Variants in PCDHGA4 observed in about 807,000 individuals in gnomAD.
PCDHGA4 encodes protocadherin gamma subfamily A, 4.
Under a neutral mutation model 54.6 loss-of-function variants are expected in PCDHGA4, and 38 were observed. The observed-to-expected ratio is 0.70, with a 90% CI of 0.54 to 0.91. The LOEUF is 0.91. Among genes scored for constraint, PCDHGA4 ranks in the 40% least tolerant of loss-of-function variants. The pLI is 0.00. For synonymous variants in PCDHGA4, 511 were observed against 512.9 expected (o/e 1.00, Z 0.05); for missense variants, 1,298 against 1,220.9 (o/e 1.06, Z -0.94).
chr5:141,374,223 A>G (rs761001587), intron 1 of PCDHGA4: 2 of 1,614,020 alleles, frequency 1.2e-6, no homozygotes, highest in South Asian at 2.2e-5. Flanking sequence ...TTCGTAGGCA[A>G]CATCGTCAAG....
In PCDHGA4 at chr5:141,486,675, A is replaced by T; in HGVS notation, c.2515-8132A>T. On this transcript the variant is annotated intron_variant, in intron 1 of 3. Coordinates refer to ENST00000571252, the MANE Select transcript of PCDHGA4 (RefSeq NM_018917.4). The surrounding 1 kb of genome is among the most constrained non-coding windows in gnomAD (Gnocchi z 5.0). ...TCACTCCTGGAGCCCAGGAATCGAGATGTATCAGCTTCCTCTTTCATCTCT... is the reference window on the plus strand; with the variant it reads ...TCACTCCTGGAGCCCAGGAATCGAGTTGTATCAGCTTCCTCTTTCATCTCT... The T allele has an allele frequency of 6.2e-7, 1 of 1,614,056 alleles. No individual in the cohort carries two copies. The highest frequency in any genetic ancestry group is 8.5e-7 in the Non-Finnish European group (1 of 1,180,016).
intron 1 of PCDHGA4, among the ~76,000 whole-genome samples, chr5:141,406,372 T>C (rs1010742441): frequency 1.3e-5 from 2 of 152,204 alleles, no homozygotes; most frequent in African/African-American, 4.8e-5. Flanking sequence ...AAGGGTAAAC[T>C]GATAAAAAGG....
chr5:141,394,616 C>A, intron 1 of PCDHGA4: 1 of 1,613,490 alleles, frequency 6.2e-7, no homozygotes, highest in African/African-American at 1.3e-5. Flanking sequence ...CGGGCCAGAA[C>A]GCCTGGCTGT....
Position 141,486,572 on chromosome 5 carries a change from A to G in PCDHGA4, c.2515-8235A>G. 1 of 1,613,876 alleles carries G rather than the reference A, an allele frequency of 6.2e-7. No individual in the cohort carries two copies. Among genetic ancestry groups the G allele is most frequent in the Non-Finnish European group, 8.5e-7 (1 of 1,180,002 alleles). ...GTCACATGAGGTGTTTGTTCCTGAG[A>G]ACAATCGCCCAGGGGACCTGCTTTG... is the stretch of plus-strand genomic sequence containing the variant. On this transcript the variant is annotated intron_variant, in intron 1 of 3. Coordinates refer to ENST00000571252, the MANE Select transcript of PCDHGA4 (RefSeq NM_018917.4). This position sits in a 1 kb window ranked among gnomAD's most constrained non-coding sequence, Gnocchi z 5.0.
At chr5:141,377,431 A>T (rs1773974129) in intron 1 of PCDHGA4, 1 of 152,002 alleles carries the variant, frequency 6.6e-6, no homozygotes, top group East Asian at 1.9e-4. Context: ...CTCTGTCTCT[A>T]CCAAAAAGAA....
Position 141,512,574 on chromosome 5 carries a change from C to G in PCDHGA4, c.*1401C>G, listed in dbSNP as rs1429371202. 2 of 152,884 alleles carry G rather than the reference C, an allele frequency of 1.3e-5. No homozygotes were observed. Among genetic ancestry groups the G allele is most frequent in the South Asian group, 2.1e-4 (1 of 4,836 alleles). 9.5% of individuals were successfully genotyped at this position (152,884 alleles called of 1,614,324 possible). On this transcript the variant is annotated 3_prime_UTR_variant, in exon 4 of 4. Transcript: ENST00000571252. ...GTGCATAGACCTTCTTCTCCCACCC[C>G]CTTCTGCCCCTGGGTCCCCGGCCAT...
In PCDHGA4 at chr5:141,490,601, T is replaced by C. The variant is rs777393370; in HGVS notation, c.2515-4206T>C. 1 of 1,614,176 alleles carries C rather than the reference T, an allele frequency of 6.2e-7. No homozygotes were observed. The highest frequency in any genetic ancestry group is 8.5e-7 in the Non-Finnish European group (1 of 1,180,030). ...GATGTCAATGACAATGCACCCCGCTTCAACCAGCAGCTTTACACTGCTTAC... is the reference window on the plus strand; with the variant it reads ...GATGTCAATGACAATGCACCCCGCTCCAACCAGCAGCTTTACACTGCTTAC... On this transcript the variant is annotated intron_variant, in intron 1 of 3. Transcript: ENST00000571252. This position sits in a 1 kb window ranked among gnomAD's most constrained non-coding sequence, Gnocchi z 5.4.
intron 1 of PCDHGA4, among the ~76,000 whole-genome samples, chr5:141,358,090 T>C (rs1298927847): frequency 6.6e-6 from 1 of 152,192 alleles, no homozygotes; most frequent in African/African-American, 2.4e-5. Flanking sequence ...CCCTGGAGGC[T>C]GAGGCATGAG....
intron 1 of PCDHGA4, among the ~76,000 whole-genome samples, chr5:141,362,886 T>G (rs1180518860): frequency 1.3e-5 from 2 of 152,256 alleles, no homozygotes; most frequent in Non-Finnish European, 2.9e-5. Context: ...CAAATTTTAG[T>G]TTTACTTCCT....
intron 1 of PCDHGA4, chr5:141,478,633 T>C: frequency 6.4e-7 from 1 of 1,553,032 alleles, no homozygotes; most frequent in Non-Finnish European, 8.7e-7. Context: ...GTTTTTTTAG[T>C]GATGAAGATG....
chr5:141,423,626 T>C (rs745796529), intron 1 of PCDHGA4: 1 of 1,606,498 alleles, frequency 6.2e-7, no homozygotes, highest in South Asian at 1.1e-5. Context: ...GACTCAGCTA[T>C]CATTTTAGGC....
At chr5:141,371,049 G>A (rs1334799449) in intron 1 of PCDHGA4, 11 of 1,613,826 alleles carry the variant, frequency 6.8e-6, no homozygotes, top group Non-Finnish European at 8.5e-6. Flanking sequence ...GGATGGGGGC[G>A]AGCCCTCCAG....
intron 1 of PCDHGA4, chr5:141,383,069 G>A (rs370612007): frequency 6.2e-7 from 1 of 1,613,886 alleles, no homozygotes; most frequent in South Asian, 1.1e-5. Flanking sequence ...CTGGAGCCCC[G>A]GGAGCTGGCG....
chr5:141,399,658 T>G (rs766038311), intron 1 of PCDHGA4: 22 of 1,613,572 alleles, frequency 1.4e-5, no homozygotes, highest in South Asian at 4.4e-5. Flanking sequence ...TGGGGTGGTG[T>G]TCGCGCAGCG....
intron 1 of PCDHGA4, among the ~76,000 whole-genome samples, chr5:141,455,322 G>A (rs376682363): frequency 1.3e-5 from 2 of 152,134 alleles, no homozygotes; most frequent in East Asian, 3.9e-4. Context: ...TTTTGTGTGT[G>A]TGTTTGTGGT....
intron 1 of PCDHGA4, chr5:141,424,024 C>T: frequency 9.6e-7 from 1 of 1,045,488 alleles, no homozygotes; most frequent in Non-Finnish European, 1.2e-6. Flanking sequence ...GATTCACAAA[C>T]ACTTTTTATT....
At chr5:141,468,402 T>A (rs2154569909) in intron 1 of PCDHGA4, 1 of 150,014 alleles carries the variant, frequency 6.7e-6, no homozygotes, top group East Asian at 2.0e-4. Context: ...TGGTGAGAAC[T>A]AATAATAAGT....
chr5:141,387,923 G>T lies in PCDHGA4; in HGVS notation c.2514+30302G>T, dbSNP rs2091157364. The T allele has an allele frequency of 2.7e-6, 4 of 1,475,394 alleles. No individual in the cohort carries two copies. In the Admixed American group the frequency reaches 1.1e-4, roughly 39 times the overall value. 91.4% of individuals were successfully genotyped at this position (1,475,394 alleles called of 1,614,324 possible). On this transcript the variant is annotated intron_variant, in intron 1 of 3. Coordinates refer to ENST00000571252, the MANE Select transcript of PCDHGA4 (RefSeq NM_018917.4). ...CCGGGGAGCTGGGCCGGGCTGAGAG[G>T]CTGCCAGTGCTCTTTCTCTTCCTGC...
chr5:141,393,387 C>T lies in PCDHGA4; in HGVS notation c.2514+35766C>T, dbSNP rs772072669. The stretch of plus-strand genomic sequence containing the variant: ...GACTGGAGACAATGGAGCCATAAAC[C>T]CAGAGCTGGTGCTGGAGCGCGCCCT... On this transcript the variant is annotated intron_variant, in intron 1 of 3. Coordinates refer to ENST00000571252, the MANE Select transcript of PCDHGA4 (RefSeq NM_018917.4). The T allele has an allele frequency of 3.7e-6, 6 of 1,613,972 alleles. No homozygotes were observed. The East Asian group carries it at 1.3e-4, about 36-fold the overall frequency.
Sources: gnomAD v4.1 joint callset for allele counts (sites outside exome capture counted in the v4.1 genomes callset) on GRCh38, gnomAD v4.1.1 for gene constraint, Gnocchi (gnomAD v3.1) non-coding constraint, MANE v1.5 for transcripts, NCBI Gene and HGNC (gene_info 2026-07-23, HGNC 2026-07-21) for gene names.